NTMT1: variants seen among roughly 807,000 people sequenced by gnomAD.
NTMT1 encodes the protein N-terminal RCC1 methyltransferase.
Under a neutral mutation model 17.5 loss-of-function variants are expected in NTMT1, and 8 were observed. The ratio of observed to expected loss-of-function variants is 0.46; its 90% confidence interval spans 0.27 to 0.82. The LOEUF (loss-of-function observed/expected upper bound fraction) is 0.82. Ranked by LOEUF, NTMT1 falls within the 40% of genes least tolerant of loss-of-function variation. The pLI is 0.15. For missense variants in NTMT1, 221 were observed against 303.5 expected, an observed-to-expected ratio of 0.73 and a Z score of 2.02; for synonymous variants, 128 against 126.8, an observed-to-expected ratio of 1.01 and a Z score of -0.06.
rs767455723 is a variant in NTMT1 at position 129,632,790 on chromosome 9, C to T, written c.87C>T (p.Gly29=). ...YWKQIPPTVD[G]MLGGYGHISS... ...AACAAATCCCACCCACGGTGGACGG[C>T]ATGCTTGGGGGGTATGGCCACATCT... The change falls in exon 2 of 4, where the codon GGC becomes GGT. Residue 29 remains glycine, a synonymous_variant. Transcript: ENST00000372483. 5.6e-6 allele frequency: 9 copies of T among 1,614,066 alleles called. No individual in the cohort carries two copies. The Admixed American group carries it at 1.5e-4, about 27-fold the overall frequency.
At chr9:129,615,681 C>G in intron 1 of NTMT1, 1 of 1,495,926 alleles carries the variant, frequency 6.7e-7, no homozygotes, top group Non-Finnish European at 8.9e-7. Flanking sequence ...TGCTCGAAGC[C>G]CCCCACCGTA....
At position 129,635,730 on chromosome 9, in the gene NTMT1, C is replaced by T. The variant is rs535496886; in HGVS notation, c.*266C>T. On this transcript the variant is annotated 3_prime_UTR_variant, in exon 4 of 4. Coordinates refer to ENST00000372483, the MANE Select transcript of NTMT1 (RefSeq NM_014064.4). ...TTGGGTGGAAGGGGCTCCAGGGCTC[C>T]TGGTGCTCCCCATGTGGGAATAGGG... The T allele has an allele frequency of 5.3e-4, 227 of 432,106 alleles. No individual in the cohort carries two copies. The highest frequency in any genetic ancestry group is 8.2e-4 in the Non-Finnish European group (196 of 239,626). The allele number at this position is 432,106 out of a possible 1,614,324, so 26.8% of individuals were successfully genotyped here. A position where few individuals can be genotyped will look rare whatever the true frequency, so the allele number is the denominator to read the frequency against.
intron 1 of NTMT1, among the ~76,000 whole-genome samples, chr9:129,609,931 G>C (rs1341503068): frequency 6.6e-6 from 1 of 151,608 alleles, no homozygotes; most frequent in Non-Finnish European, 1.5e-5. Flanking sequence ...GCAGGAGTCC[G>C]GGTATGTGTG....
In NTMT1 at chr9:129,613,667, T is replaced by C; in HGVS notation, c.-55+4489T>C. 6.3e-7 allele frequency: 1 copy of C among 1,587,762 alleles called. No individual in the cohort carries two copies. Among genetic ancestry groups the C allele is most frequent in the Non-Finnish European group, 8.6e-7 (1 of 1,163,980 alleles). On this transcript the variant is annotated intron_variant, in intron 1 of 3. Coordinates refer to the NTMT1 transcript ENST00000372486. This position sits in a 1 kb window ranked among gnomAD's most constrained non-coding sequence, Gnocchi z 6.2. ...CACTGGTGCCCCCACCCTCTTTTCC[T>C]CCCTCTGGCAGGCAGGGCCGGTCAG...
At chr9:129,619,404 G>A in intron 1 of NTMT1, 1 of 762,096 alleles carries the variant, frequency 1.3e-6, no homozygotes, top group Non-Finnish European at 2.2e-6. Context: ...TGTAAGGATG[G>A]ATGAATGGGT....
chr9:129,632,459 G>A (rs1252930852), intron 1 of NTMT1, among the ~76,000 whole-genome samples, 191 bp from the exon 2 acceptor site: 2 of 152,202 alleles, frequency 1.3e-5, no homozygotes, highest in East Asian at 1.9e-4. Flanking sequence ...GACTTGGGGC[G>A]GGTGCTCTGA....
chr9:129,622,266 G>A (rs1259448444), upstream of NTMT1, among the ~76,000 whole-genome samples: 1 of 152,226 alleles, frequency 6.6e-6, no homozygotes, highest in Non-Finnish European at 1.5e-5. Flanking sequence ...GCCGAGGCGG[G>A]CGGATCACCT....
chr9:129,635,329 G>C lies in NTMT1; in HGVS notation c.537G>C (p.Val179=), dbSNP rs777652117. The C allele has an allele frequency of 8.1e-6, 13 of 1,613,834 alleles. No individual in the cohort carries two copies. The highest frequency in any genetic ancestry group is 2.2e-5 in the East Asian group (1 of 44,872). ...MAQEGVILDD[V]DSSVCRDLDV... is the part of the protein sequence containing the mutation. Reference sequence around the variant, plus strand: ...AGGAGGGCGTGATTCTGGACGACGTGGACAGCAGCGTGTGCCGGGACCTTG... The same window carrying C: ...AGGAGGGCGTGATTCTGGACGACGTCGACAGCAGCGTGTGCCGGGACCTTG... Residue 179 remains valine (V), a synonymous_variant, in exon 4 of 4, where the codon GTG becomes GTC. Transcript: ENST00000372483.
At chr9:129,617,895 G>T (rs1449574334) in intron 1 of NTMT1, among the ~76,000 whole-genome samples, 1 of 152,088 alleles carries the variant, frequency 6.6e-6, no homozygotes, top group Non-Finnish European at 1.5e-5. Flanking sequence ...TGTTACCAAG[G>T]CTGGTCTCAA....
upstream of NTMT1, among the ~76,000 whole-genome samples, chr9:129,621,273 A>G (rs1830695546): frequency 6.6e-6 from 1 of 152,148 alleles, no homozygotes; most frequent in South Asian, 2.1e-4. Flanking sequence ...TGTTGAAAAT[A>G]CAGATGACTT....
In NTMT1 at chr9:129,634,077, G is replaced by T. The variant is rs145974570; in HGVS notation, c.186G>T (p.Thr62=). The T allele has an allele frequency of 1.4e-5, 23 of 1,613,906 alleles. No homozygotes were observed. Among genetic ancestry groups the T allele is most frequent in the Non-Finnish European group, 2.5e-6 (3 of 1,179,920 alleles). ...FLREGPNKTG[T]SCALDCGAGI... Reference sequence around the variant, plus strand: ...AGGAAGGCCCGAACAAGACAGGAACGTCCTGTGCCCTGGACTGTGGAGCTG... The same window carrying T: ...AGGAAGGCCCGAACAAGACAGGAACTTCCTGTGCCCTGGACTGTGGAGCTG... The change falls in exon 3 of 4, where the codon ACG becomes ACT. Residue 62 remains threonine, a synonymous_variant. Coordinates refer to ENST00000372483, the MANE Select transcript of NTMT1 (RefSeq NM_014064.4).
At chr9:129,610,160 G>C (rs1278601868) in intron 1 of NTMT1, among the ~76,000 whole-genome samples, 1 of 144,140 alleles carries the variant, frequency 6.9e-6, no homozygotes, top group Non-Finnish European at 1.5e-5. Context: ...GCGGGATCCC[G>C]GGGCCTTGCG....
In NTMT1 at chr9:129,634,240, T is replaced by C; in HGVS notation, c.349T>C (p.Cys117Arg). ...CAAGAGGGTGAGGAACTACTTCTGT[T>C]GTGGGCTCCAGGACTTCACCCCGGA... ...EGKRVRNYFC[C>R]GLQDFTPEPD... The change falls in exon 3 of 4, where the codon TGT (cysteine) becomes CGT (arginine). Residue 117 changes from cysteine (C) to arginine (R), a missense_variant. Cys to Arg is a radical substitution (Grantham distance 180, BLOSUM62 -3). Coordinates refer to ENST00000372483, the MANE Select transcript of NTMT1 (RefSeq NM_014064.4). 1 of 1,614,010 alleles carries C rather than the reference T, an allele frequency of 6.2e-7. No individual in the cohort carries two copies. Among genetic ancestry groups the C allele is most frequent in the East Asian group, 2.2e-5 (1 of 44,870 alleles).
At chr9:129,619,500 T>C in intron 1 of NTMT1, 3 of 1,574,838 alleles carry the variant, frequency 1.9e-6, no homozygotes, top group Non-Finnish European at 2.6e-6. Flanking sequence ...TACCCTACCC[T>C]TATCCCGCCC....
chr9:129,629,222 C>A (rs1831028004), intron 1 of NTMT1, among the ~76,000 whole-genome samples: 1 of 152,104 alleles, frequency 6.6e-6, no homozygotes, highest in African/African-American at 2.4e-5. Flanking sequence ...TACCTGCTGG[C>A]AGAGGGGCAG....
intron 2 of NTMT1, 172 bp downstream of exon 2, chr9:129,633,037 C>T (rs12335819): frequency 0.78 from 517,229 of 661,686 alleles, 204,384 homozygotes; most frequent in East Asian, 0.85. Flanking sequence ...GGGGTAACTT[C>T]TAGATTGTGG....
At chr9:129,619,415 AG>A in intron 1 of NTMT1, 1 of 797,922 alleles carries the variant, frequency 1.3e-6, no homozygotes, top group Middle Eastern at 3.2e-4. Flanking sequence ...ATGAATGGGT[AG>A]ATAGGTGGAT....
chr9:129,632,537 T>C, intron 1 of NTMT1, 113 bp from the exon 2 acceptor site: 1 of 720,638 alleles, frequency 1.4e-6, no homozygotes, highest in African/African-American at 1.8e-5. Context: ...GACTTCTCTC[T>C]GCACTCAGCA....
intron 2 of NTMT1, 90 bp from the exon 3 acceptor site, chr9:129,633,964 G>T (rs1831350938): frequency 1.4e-6 from 2 of 1,445,990 alleles, no homozygotes; most frequent in Non-Finnish European, 1.9e-6. Flanking sequence ...CTGGAATCCT[G>T]ACTTGAGTCT....
Sources: gnomAD v4.1 joint callset for allele counts (sites outside exome capture counted in the v4.1 genomes callset) on GRCh38, gnomAD v4.1.1 for gene constraint, Gnocchi (gnomAD v3.1) non-coding constraint, MANE v1.5 for transcripts, NCBI Gene and HGNC (gene_info 2026-07-23, HGNC 2026-07-21) for gene names.